WNK4: variants seen among roughly 807,000 people sequenced by gnomAD.
WNK4 encodes serine/threonine-protein kinase WNK4.
Under a neutral mutation model 116.2 loss-of-function variants are expected in WNK4, and 94 were observed. That is an observed-to-expected ratio of 0.81 (90% CI 0.68 to 0.96). The LOEUF (loss-of-function observed/expected upper bound fraction) is 0.96, where lower values mean the gene tolerates loss of function less well. Among genes scored for constraint, WNK4 ranks in the 40% least tolerant of loss-of-function variants. The pLI, the probability that WNK4 is intolerant of heterozygous loss-of-function variation, is 0.00. For missense variants in WNK4, 1,542 were observed against 1,650.6 expected (o/e 0.93, Z 1.14); for synonymous variants, 655 against 672.7 (o/e 0.97, Z 0.41).
chr17:42,786,575 T>G (rs1157047146), intron 6 of WNK4, among the ~76,000 whole-genome samples: 2 of 152,190 alleles, frequency 1.3e-5, no homozygotes, highest in Non-Finnish European at 1.5e-5. Context: ...GTATTTTTAG[T>G]AGGAACGGGG....
intron 8 of WNK4, 56 bp downstream of exon 8, chr17:42,787,955 C>T: frequency 1.2e-6 from 2 of 1,607,620 alleles, no homozygotes; most frequent in Non-Finnish European, 1.7e-6. Flanking sequence ...GACCTATCTC[C>T]CTCCTTGTGA....
chr17:42,792,648 T>C (rs370439596), intron 11 of WNK4, among the ~76,000 whole-genome samples: 4 of 152,344 alleles, frequency 2.6e-5, no homozygotes, highest in South Asian at 4.1e-4. Flanking sequence ...CGTATTTATG[T>C]GTCTCCTCCA....
chr17:42,788,131 C>A lies in WNK4; in HGVS notation c.1865C>A (p.Ala622Asp). ...LAESHLCLPS[A>D]FALSIPRSGP... ...TCATGAACCCTTATCCTGTTTCAGGCTTTTGCCCTATCCATTCCACGTTCT... is the reference window on the plus strand; with the variant it reads ...TCATGAACCCTTATCCTGTTTCAGGATTTTGCCCTATCCATTCCACGTTCT... Residue 622 changes from alanine (A) to aspartate (D), a missense_variant and splice_region_variant, in exon 9 of 19, where the codon GCT becomes GAT. By Grantham distance (126) the Ala-to-Asp change is moderately radical. Transcript: ENST00000246914. 6.2e-7 allele frequency: 1 copy of A among 1,614,242 alleles called. No individual in the cohort carries two copies. The highest frequency in any genetic ancestry group is 8.5e-7 in the Non-Finnish European group (1 of 1,180,044).
intron 11 of WNK4, 103 bp from the exon 12 acceptor site, chr17:42,793,489 C>G (rs1195696234): frequency 6.6e-7 from 1 of 1,506,002 alleles, no homozygotes; most frequent in African/African-American, 1.4e-5. Flanking sequence ...GGATTACAGG[C>G]GTGAGCCACC....
At chr17:42,785,738 G>A (rs1023882632) in intron 6 of WNK4, among the ~76,000 whole-genome samples, 2 of 152,084 alleles carry the variant, frequency 1.3e-5, no homozygotes, top group Non-Finnish European at 1.5e-5. Flanking sequence ...GTTCTTCCTG[G>A]GATGCCCTTC....
chr17:42,792,623 C>A (rs555721862), intron 11 of WNK4, among the ~76,000 whole-genome samples: 48 of 152,312 alleles, frequency 3.2e-4, no homozygotes, highest in Admixed American at 7.8e-4. Context: ...GGCTGCCTTG[C>A]AGTAAGTTTA....
At chr17:42,791,168 C>T (rs1349733507) in intron 11 of WNK4, among the ~76,000 whole-genome samples, 1 of 152,182 alleles carries the variant, frequency 6.6e-6, no homozygotes, top group African/African-American at 2.4e-5. Context: ...TCTTTTCTCT[C>T]CTTACCCAGT....
intron 11 of WNK4, among the ~76,000 whole-genome samples, chr17:42,791,069 C>T (rs149967635): frequency 6.6e-6 from 1 of 152,122 alleles, no homozygotes; most frequent in Non-Finnish European, 1.5e-5. Context: ...GTCTCTCACT[C>T]GTAGAGCCTT....
In WNK4 at chr17:42,787,458, G is replaced by A; in HGVS notation, c.1657G>A (p.Val553Ile). ...GCCCATGGCCCCCGGTCCCCCCAGT[G>A]TCTTCCCCCCTGAGCCTGAGGAGCC... ...TVPMAPGPPS[V>I]FPPEPEEPEA... The change falls in exon 7 of 19, where the codon GTC becomes ATC. Residue 553 changes from valine to isoleucine, a missense_variant. Transcript: ENST00000246914. 6.2e-7 allele frequency: 1 copy of A among 1,609,544 alleles called. No homozygotes were observed. The highest frequency in any genetic ancestry group is 2.2e-5 in the East Asian group (1 of 44,758).
At position 42,795,910 on chromosome 17, in the gene WNK4, T is replaced by C. The variant is rs1176259202; in HGVS notation, c.3308T>C (p.Leu1103Pro). ...CAAGTTGGGGGCAGCCCCCAACCCC[T>C]GAGCCATCCCAGCCCAGTGTGGATG... ...EPQVGGSPQP[L>P]SHPSPVWMNY... Residue 1103 changes from leucine to proline, a missense_variant, in exon 16 of 19, where the codon CTG becomes CCG. Around this residue, in one of 7 missense-constraint regions of WNK4, gnomAD observed 292 missense variants for 290.1 expected, o/e 1.01. Transcript: ENST00000246914. The C allele has an allele frequency of 1.5e-5, 24 of 1,611,712 alleles. No homozygotes were observed. Among genetic ancestry groups the C allele is most frequent in the Non-Finnish European group, 1.9e-5 (22 of 1,178,732 alleles).
chr17:42,796,930 C>T lies in WNK4; in HGVS notation c.*242C>T, dbSNP rs2054683655. ...CTACCATCTTCATCTCTAGCACCTC[C>T]CCTGCCAAGAGTCAACCACTAAGCA... On this transcript the variant is annotated 3_prime_UTR_variant, in exon 19 of 19. Coordinates refer to ENST00000246914, the MANE Select transcript of WNK4 (RefSeq NM_032387.5). 1 of 743,870 alleles carries T rather than the reference C, an allele frequency of 1.3e-6. No individual in the cohort carries two copies. The highest frequency in any genetic ancestry group is 2.1e-6 in the Non-Finnish European group (1 of 469,726). The allele number at this position is 743,870 out of a possible 1,614,324, so 46.1% of individuals were successfully genotyped here.
rs552498857 is a variant in WNK4 at position 42,794,957 on chromosome 17, A to G, written c.2536A>G (p.Ile846Val). Reference sequence around the variant, plus strand: ...TCCCAGCCCCTCCCCATTCTCCCCCATTTCTTCCCAGGTCTCCTCAAATCC... The same window carrying G: ...TCCCAGCCCCTCCCCATTCTCCCCCGTTTCTTCCCAGGTCTCCTCAAATCC... ...CHPSPSPFSPISSQVSSNPSP... is the reference protein window; with the variant it reads ...CHPSPSPFSPVSSQVSSNPSP... The change falls in exon 14 of 19, where the codon ATT (isoleucine) becomes GTT (valine). Residue 846 changes from isoleucine (I) to valine (V), a missense_variant. Physicochemically the swap from Ile to Val is conservative, Grantham distance 29. Around this residue, in one of 7 missense-constraint regions of WNK4, gnomAD observed 808 missense variants for 873.6 expected, o/e 0.92. Transcript: ENST00000246914. The G allele has an allele frequency of 1.9e-5, 22 of 1,149,702 alleles. No homozygotes were observed. Among genetic ancestry groups the G allele is most frequent in the Non-Finnish European group, 2.4e-5 (22 of 913,290 alleles). 71.2% of individuals were successfully genotyped at this position (1,149,702 alleles called of 1,614,324 possible).
Position 42,784,222 on chromosome 17 carries a change from C to T in WNK4, c.1012+65C>T. ...CCCACCTCAGAAGAGAACCTGGGGA[C>T]TCCCTCCCCTCAGCAAGGGCCTTCA... On this transcript the variant is annotated intron_variant, in intron 3 of 18. Transcript: ENST00000246914. This position sits in a 1 kb window ranked among gnomAD's most constrained non-coding sequence, Gnocchi z 4.4. 1 of 1,587,430 alleles carries T rather than the reference C, an allele frequency of 6.3e-7. No individual in the cohort carries two copies. The highest frequency in any genetic ancestry group is 8.6e-7 in the Non-Finnish European group (1 of 1,165,332).
At chr17:42,788,849 C>A in intron 11 of WNK4, 52 bp downstream of exon 11, 1 of 1,470,602 alleles carries the variant, frequency 6.8e-7, no homozygotes, top group Non-Finnish European at 9.5e-7. Flanking sequence ...ACAAGAGTCT[C>A]CTTCCTGATG....
At position 42,788,199 on chromosome 17, in the gene WNK4, G is replaced by A; in HGVS notation, c.1922+11G>A. The A allele has an allele frequency of 6.2e-7, 1 of 1,614,142 alleles. No individual in the cohort carries two copies. Among genetic ancestry groups the A allele is most frequent in the Non-Finnish European group, 8.5e-7 (1 of 1,180,030 alleles). On this transcript the variant is annotated intron_variant, in intron 9 of 18. Transcript: ENST00000246914. ...TTCCCCCGGGGACAGGTATGTTCTG[G>A]TACAAGTTGGGGTGCCAGGGTGAGA...
rs150492958 is a variant in WNK4 at position 42,792,873 on chromosome 17, A to C, written c.2158-719A>C. 3.3e-5 allele frequency among the ~76,000 whole-genome samples: 5 copies of C among 152,298 alleles called. No individual in the cohort carries two copies. In the East Asian group the frequency reaches 9.6e-4, roughly 29 times the overall value. On this transcript the variant is annotated intron_variant, in intron 11 of 18. Coordinates refer to ENST00000246914, the MANE Select transcript of WNK4 (RefSeq NM_032387.5). ...ACTTTATAAACACTATGGGGCAGAA[A>C]TTGTGTCCAAAACATGGGAGGCAGC...
chr17:42,784,554 C>A lies in WNK4; in HGVS notation c.1145C>A (p.Ala382Glu), dbSNP rs767936172. 1 of 1,614,092 alleles carries A rather than the reference C, an allele frequency of 6.2e-7. No homozygotes were observed. The highest frequency in any genetic ancestry group is 8.5e-7 in the Non-Finnish European group (1 of 1,180,038). ...EYPYSECQNA[A>E]QIYRKVTSGR... ...CCGTACTCCGAGTGCCAGAATGCCGCGCAAATCTACCGCAAGGTCACTTCG... is the reference window on the plus strand; with the variant it reads ...CCGTACTCCGAGTGCCAGAATGCCGAGCAAATCTACCGCAAGGTCACTTCG... Residue 382 changes from alanine to glutamate, a missense_variant, in exon 4 of 19, where the codon GCG (alanine) becomes GAG (glutamate). Around this residue, in one of 7 missense-constraint regions of WNK4, gnomAD observed 808 missense variants for 873.6 expected, o/e 0.92. Coordinates refer to ENST00000246914, the MANE Select transcript of WNK4 (RefSeq NM_032387.5). This position sits in a 1 kb window ranked among gnomAD's most constrained non-coding sequence, Gnocchi z 4.4.
chr17:42,788,301 A>C lies in WNK4; in HGVS notation c.1934A>C (p.Asp645Ala). The change falls in exon 10 of 19, where the codon GAT becomes GCT. Residue 645 changes from aspartate (D) to alanine (A), a missense_variant. Physicochemically the swap from Asp to Ala is moderately radical, Grantham distance 126. Around this residue, in one of 7 missense-constraint regions of WNK4, gnomAD observed 808 missense variants for 873.6 expected, o/e 0.92. Coordinates refer to ENST00000246914, the MANE Select transcript of WNK4 (RefSeq NM_032387.5). ...DFSPGDSYAS[D>A]AASGLSDVGE... Reference sequence around the variant, plus strand: ...TTTCTCTTTAACAGCTATGCCTCAGATGCAGCTTCAGGCCTTAGCGATGTG... The same window carrying C: ...TTTCTCTTTAACAGCTATGCCTCAGCTGCAGCTTCAGGCCTTAGCGATGTG... The C allele has an allele frequency of 6.2e-7, 1 of 1,614,160 alleles. No individual in the cohort carries two copies.
chr17:42,794,887 C>T lies in WNK4; in HGVS notation c.2466C>T (p.Pro822=), dbSNP rs2054646035. The T allele has an allele frequency of 1.9e-6, 3 of 1,613,542 alleles. No homozygotes were observed. Among genetic ancestry groups the T allele is most frequent in the Non-Finnish European group, 2.5e-6 (3 of 1,179,888 alleles). The change falls in exon 14 of 19, where the codon CCC becomes CCT. Residue 822 remains proline (P), a synonymous_variant. Coordinates refer to ENST00000246914, the MANE Select transcript of WNK4 (RefSeq NM_032387.5). The stretch of plus-strand genomic sequence containing the variant: ...GAAACCCATTTTCCCCTGGAACCCC[C>T]ATTTCCCCAGGTCCCATCTTCCCCA... The part of the protein sequence containing the change: ...SPGNPFSPGT[P]ISPGPIFPIT...
Sources: allele counts gnomAD v4.1 joint callset (sites outside exome capture counted in the v4.1 genomes callset), GRCh38; gene constraint gnomAD v4.1.1; regional missense constraint gnomAD v4.1.1; non-coding constraint Gnocchi (gnomAD v3.1); transcripts MANE v1.5; gene names NCBI Gene and HGNC (gene_info 2026-07-23, HGNC 2026-07-21).